The following CTIF variants were observed in gnomAD, a reference collection of about 807,000 sequenced individuals.
CTIF encodes the protein CBP80/20-dependent translation initiation factor.
A neutral mutation model predicts 66.0 loss-of-function variants in CTIF; 21 were observed. The ratio of observed to expected loss-of-function variants is 0.32; its 90% CI spans 0.23 to 0.46. CTIF has a LOEUF of 0.46. Ranked by LOEUF, CTIF falls within the 20% of genes least tolerant of loss-of-function variation. The probability of loss-of-function intolerance (pLI) is 1.00; values close to 1 mark genes in which losing one functional copy is unlikely to be tolerated. For synonymous variants in CTIF, 345 were observed against 326.4 expected (o/e 1.06, Z -0.62); for missense variants, 739 against 812.7 (o/e 0.91, Z 1.10).
In CTIF at chr18:48,758,087, C is replaced by T. The variant is rs899619124; in HGVS notation, c.753C>T (p.His251=). ...HHGYSQNRRW[H]HGNMKHPPGD... ...GCTACAGCCAGAACCGGCGCTGGCACCATGGCAACATGAAGCACCCACCAG... is the reference window on the plus strand; with the variant it reads ...GCTACAGCCAGAACCGGCGCTGGCATCATGGCAACATGAAGCACCCACCAG... Residue 251 remains histidine, a synonymous_variant, in exon 8 of 12, where the codon CAC becomes CAT. Transcript: ENST00000256413. The T allele has an allele frequency of 1.9e-6, 3 of 1,613,970 alleles. No homozygotes were observed. Among genetic ancestry groups the T allele is most frequent in the Non-Finnish European group, 2.5e-6 (3 of 1,180,028 alleles).
At chr18:48,752,003 T>C (rs1907871285) in intron 7 of CTIF, among the ~76,000 whole-genome samples, 1 of 152,218 alleles carries the variant, frequency 6.6e-6, no homozygotes, top group Non-Finnish European at 1.5e-5. Context: ...GTGAGAAAAG[T>C]CTTTGCCTGT....
intron 10 of CTIF, among the ~76,000 whole-genome samples, chr18:48,852,306 T>C (rs1215901363): frequency 6.8e-6 from 1 of 146,610 alleles, no homozygotes; most frequent in African/African-American, 2.5e-5. Flanking sequence ...TTAATCCCCA[T>C]TTTCCCTGCT....
chr18:48,592,950 A>G (rs1035043570), intron 1 of CTIF, among the ~76,000 whole-genome samples: 2 of 152,214 alleles, frequency 1.3e-5, no homozygotes, highest in Admixed American at 6.6e-5. Flanking sequence ...GGCAGCGGGG[A>G]TCTGGGAGGC....
chr18:48,670,593 C>G, intron 5 of CTIF, 76 bp from the exon 6 acceptor site: 3 of 1,356,870 alleles, frequency 2.2e-6, no homozygotes, highest in Admixed American at 3.4e-5. Context: ...ACTGTCCCTC[C>G]TCTCCTGCTG....
Position 48,860,997 on chromosome 18 carries a change from CAG to C in CTIF, c.*1441_*1442del, listed in dbSNP as rs1306978336. On this transcript the variant is annotated 3_prime_UTR_variant, in exon 12 of 12. Transcript: ENST00000256413. ...TGATGAGCCCCCCCGGAAATGATGT[CAG>C]AGCCTAGCCGCTTCCTTATTTGCTC... is the stretch of plus-strand genomic sequence containing the variant. The C allele has an allele frequency of 6.6e-6, 1 of 152,298 alleles. No homozygotes were observed. The highest frequency in any genetic ancestry group is 1.5e-5 in the Non-Finnish European group (1 of 68,126). The allele number at this position is 152,298 out of a possible 1,614,324, so 9.4% of individuals were successfully genotyped here.
intron 1 of CTIF, among the ~76,000 whole-genome samples, chr18:48,545,514 T>C (rs893686234): frequency 6.6e-6 from 1 of 151,912 alleles, no homozygotes; most frequent in Non-Finnish European, 1.5e-5. Context: ...TACTTAGACT[T>C]GGGGGATAAG....
intron 3 of CTIF, among the ~76,000 whole-genome samples, chr18:48,661,307 C>G (rs2091341929): frequency 6.6e-6 from 1 of 152,174 alleles, no homozygotes; most frequent in Non-Finnish European, 1.5e-5. Flanking sequence ...GGCTTCAGGT[C>G]ACTGGGCTGA....
intron 3 of CTIF, among the ~76,000 whole-genome samples, chr18:48,646,744 C>CA (rs60714827): frequency 0.19 from 22,424 of 119,238 alleles, 2,379 homozygotes; most frequent in African/African-American, 0.34. Context: ...GACCCTGTCT[C>CA]AAAAAAAAAA....
chr18:48,569,235 CTG>C (rs1266760176), intron 1 of CTIF, among the ~76,000 whole-genome samples: 3 of 152,082 alleles, frequency 2.0e-5, no homozygotes, highest in Non-Finnish European at 4.4e-5. Context: ...ACAGTTCAGC[CTG>C]TAACACATTT....
At chr18:48,624,587 A>C (rs1056080695) in intron 2 of CTIF, among the ~76,000 whole-genome samples, 6 of 152,216 alleles carry the variant, frequency 3.9e-5, no homozygotes, top group Admixed American at 2.0e-4. Context: ...AAAGCTTGGA[A>C]GCAGTATGCA....
intron 10 of CTIF, among the ~76,000 whole-genome samples, chr18:48,844,015 G>C (rs748590301): frequency 6.6e-6 from 1 of 152,208 alleles, no homozygotes; most frequent in Non-Finnish European, 1.5e-5. Context: ...AGAGCACATA[G>C]AACAACCACT....
chr18:48,542,480 G>A (rs186808867), intron 1 of CTIF, among the ~76,000 whole-genome samples: 76 of 152,270 alleles, frequency 5.0e-4, no homozygotes, highest in African/African-American at 1.6e-3. Context: ...TATGTACTGG[G>A]CACCTACATG....
intron 1 of CTIF, among the ~76,000 whole-genome samples, chr18:48,597,054 T>C (rs2089999624): frequency 6.6e-6 from 1 of 152,224 alleles, no homozygotes; most frequent in Admixed American, 6.5e-5. Context: ...CTCCTGGGGA[T>C]GCTGAGTGGG....
intron 1 of CTIF, among the ~76,000 whole-genome samples, chr18:48,573,175 G>A (rs1391434997): frequency 1.3e-5 from 2 of 152,148 alleles, no homozygotes; most frequent in Non-Finnish European, 2.9e-5. Context: ...AGAGGCATTT[G>A]GGCTTCATTT....
chr18:48,545,363 G>A (rs998975561), intron 1 of CTIF, among the ~76,000 whole-genome samples: 19 of 152,152 alleles, frequency 1.2e-4, no homozygotes, highest in African/African-American at 4.6e-4. Flanking sequence ...GGAGCCAGGC[G>A]GCCATGGGAC....
chr18:48,827,508 C>T (rs948514649), intron 10 of CTIF, among the ~76,000 whole-genome samples: 1 of 152,168 alleles, frequency 6.6e-6, no homozygotes, highest in Non-Finnish European at 1.5e-5. Context: ...TCCTGATTGC[C>T]TTTAAATTTG....
intron 1 of CTIF, among the ~76,000 whole-genome samples, chr18:48,612,672 T>C (rs562337196): frequency 4.6e-5 from 7 of 152,188 alleles, no homozygotes; most frequent in Non-Finnish European, 1.5e-5. Context: ...CTGGGCCCCA[T>C]TGCCCACCAC....
At position 48,857,567 on chromosome 18, in the gene CTIF, C is replaced by T. The variant is rs745411582; in HGVS notation, c.1528-21C>T. 10 of 1,604,010 alleles carry T rather than the reference C, an allele frequency of 6.2e-6. No individual in the cohort carries two copies. In the African/African-American group the frequency reaches 1.2e-4, roughly 19 times the overall value. Reference sequence around the variant, plus strand: ...CCGGCATGTCTCCTTCAGTGGTGCTCTCTGCCCCTCTCTTCCACAGCTCTT... The same window carrying T: ...CCGGCATGTCTCCTTCAGTGGTGCTTTCTGCCCCTCTCTTCCACAGCTCTT... On this transcript the variant is annotated intron_variant, in intron 10 of 11. Transcript: ENST00000256413.
chr18:48,597,313 A>G (rs2090004631), intron 1 of CTIF, among the ~76,000 whole-genome samples: 1 of 152,210 alleles, frequency 6.6e-6, no homozygotes, highest in African/African-American at 2.4e-5. Flanking sequence ...AGTCACCAGA[A>G]AGCCAGCCCT....
Sources: allele counts gnomAD v4.1 joint callset (sites outside exome capture counted in the v4.1 genomes callset), GRCh38; gene constraint gnomAD v4.1.1; transcripts MANE v1.5; gene names NCBI Gene and HGNC (gene_info 2026-07-23, HGNC 2026-07-21).